GRM8: variants seen among roughly 807,000 people sequenced by gnomAD.
The protein encoded by GRM8 is glutamate metabotropic receptor 8.
In GRM8, 47 loss-of-function variants were observed where a neutral mutation model predicts 87.2. That is an observed-to-expected ratio of 0.54 (90% confidence interval 0.43 to 0.69). GRM8 has a LOEUF of 0.69. GRM8 is among the 30% of genes least tolerant of loss of function. GRM8 has a pLI of 0.00. For synonymous variants in GRM8, 396 were observed against 404.5 expected, an observed-to-expected ratio of 0.98 and a Z score of 0.25; for missense variants, 1,019 against 1,139.2, an observed-to-expected ratio of 0.89 and a Z score of 1.52.
At chr7:126,807,489 A>G (rs1394685762) in intron 6 of GRM8, among the ~76,000 whole-genome samples, 2 of 152,322 alleles carry the variant, frequency 1.3e-5, no homozygotes, top group East Asian at 3.9e-4. Flanking sequence ...TGACAAACTT[A>G]AAAATCAAGC....
In GRM8 at chr7:126,852,387, A is replaced by T. The variant is rs151205733; in HGVS notation, c.1156+50155T>A. ...TGGAGGAATGTATCATTACAAACAA[A>T]CAAACACAAAAATCGAAGACAGTAG... On this transcript the variant is annotated intron_variant, in intron 6 of 10. Coordinates refer to ENST00000339582, the MANE Select transcript of GRM8 (RefSeq NM_000845.3). 7.5e-3 allele frequency among the ~76,000 whole-genome samples: 1,141 copies of T among 152,312 alleles called. 18 individuals are homozygous for T. Among genetic ancestry groups the T allele is most frequent in the African/African-American group, 0.026 (1,061 of 41,568 alleles).
At chr7:126,964,424 C>A (rs1809633996) in intron 3 of GRM8, among the ~76,000 whole-genome samples, 1 of 152,124 alleles carries the variant, frequency 6.6e-6, no homozygotes, top group Non-Finnish European at 1.5e-5. Flanking sequence ...TAACAAAGGG[C>A]TAATATCCAG....
rs376254689 is a variant in GRM8, at chr7:127,242,772, C to G, written c.433G>C (p.Asp145His). 6.2e-7 allele frequency: 1 copy of G among 1,614,158 alleles called. No homozygotes were observed. The highest frequency in any genetic ancestry group is 8.5e-7 in the Non-Finnish European group (1 of 1,180,012). The change falls in exon 2 of 11, where the codon GAC becomes CAC. Residue 145 changes from aspartate to histidine, a missense_variant. Transcript: ENST00000339582. The part of the protein sequence containing the change: ...NGDPPIFTKP[D>H]KISGVIGAAA... The stretch of plus-strand genomic sequence containing the variant: ...GCACCTATGACGCCAGAAATCTTGT[C>G]GGGCTTGGTGAAAATGGGTGGATCT...
intron 6 of GRM8, among the ~76,000 whole-genome samples, chr7:126,789,992 G>A (rs1821099341): frequency 6.6e-6 from 1 of 151,602 alleles, no homozygotes; most frequent in South Asian, 2.1e-4. Flanking sequence ...TGGTCTCTAT[G>A]TGAGAACACA....
At chr7:127,023,979 T>C (rs953718151) in intron 3 of GRM8, among the ~76,000 whole-genome samples, 10 of 152,168 alleles carry the variant, frequency 6.6e-5, no homozygotes, top group East Asian at 1.9e-4. Context: ...TATCTCTGCA[T>C]GTAGGGAGGA....
chr7:126,631,111 A>G (rs779076561), intron 7 of GRM8, among the ~76,000 whole-genome samples: 2 of 152,222 alleles, frequency 1.3e-5, no homozygotes, highest in Non-Finnish European at 2.9e-5. Flanking sequence ...TGTAGATGAC[A>G]TGATCCTATA....
intron 8 of GRM8, among the ~76,000 whole-genome samples, chr7:126,583,987 T>G (rs1795859585): frequency 6.6e-6 from 1 of 152,102 alleles, no homozygotes. Flanking sequence ...TATGGCAAAC[T>G]CAATGTTGTC....
intron 3 of GRM8, among the ~76,000 whole-genome samples, chr7:126,947,601 T>C (rs928178108): frequency 4.6e-5 from 7 of 151,996 alleles, no homozygotes; most frequent in Non-Finnish European, 7.4e-5. Context: ...TATGTATATA[T>C]GAAGTAAAGA....
chr7:126,982,241 G>C (rs1811613870), intron 3 of GRM8, among the ~76,000 whole-genome samples: 1 of 152,202 alleles, frequency 6.6e-6, no homozygotes, highest in Admixed American at 6.5e-5. Context: ...CATGCTGGCA[G>C]CTGATTAGAT....
intron 3 of GRM8, among the ~76,000 whole-genome samples, chr7:126,923,561 C>A (rs1170219581): frequency 2.0e-5 from 3 of 152,152 alleles, no homozygotes; most frequent in South Asian, 2.1e-4. Context: ...AATTATTACC[C>A]AACTAATCCT....
chr7:126,796,854 T>C (rs762722773), intron 6 of GRM8, among the ~76,000 whole-genome samples: 21 of 152,076 alleles, frequency 1.4e-4, no homozygotes, highest in Non-Finnish European at 2.5e-4. Context: ...CTGGGGCTTG[T>C]CTCAATTCTA....
chr7:127,171,718 AC>A (rs1454925282), intron 2 of GRM8, among the ~76,000 whole-genome samples: 1 of 152,214 alleles, frequency 6.6e-6, no homozygotes, highest in East Asian at 1.9e-4. Context: ...TAAACTGGAA[AC>A]AAAAAATTTT....
At chr7:126,717,438 C>T (rs564432391) in intron 7 of GRM8, among the ~76,000 whole-genome samples, 1 of 152,228 alleles carries the variant, frequency 6.6e-6, no homozygotes, top group East Asian at 1.9e-4. Context: ...CCATCCTTCA[C>T]CCTCCTTCAC....
At chr7:127,003,073 C>A (rs1813888104) in intron 3 of GRM8, among the ~76,000 whole-genome samples, 1 of 151,644 alleles carries the variant, frequency 6.6e-6, no homozygotes, top group African/African-American at 2.4e-5. Context: ...GGACACTTAA[C>A]TTTTTAGTCC....
intron 6 of GRM8, among the ~76,000 whole-genome samples, chr7:126,771,132 T>C (rs1389888138): frequency 6.6e-6 from 1 of 152,112 alleles, no homozygotes; most frequent in Non-Finnish European, 1.5e-5. Flanking sequence ...TTACTAACCT[T>C]GAATAAATTG....
intron 2 of GRM8, among the ~76,000 whole-genome samples, chr7:127,110,752 G>C (rs936309053): frequency 2.6e-5 from 4 of 152,044 alleles, no homozygotes; most frequent in African/African-American, 9.7e-5. Context: ...TTCTCTTTGG[G>C]AGCTCCAGAA....
intron 9 of GRM8, among the ~76,000 whole-genome samples, chr7:126,525,920 A>C (rs144090706): frequency 6.6e-6 from 1 of 152,202 alleles, no homozygotes; most frequent in African/African-American, 2.4e-5. Context: ...TATTCAAATA[A>C]ATCTGTTTCG....
At chr7:126,940,786 T>G (rs1806838215) in intron 3 of GRM8, among the ~76,000 whole-genome samples, 1 of 152,174 alleles carries the variant, frequency 6.6e-6, no homozygotes, top group Non-Finnish European at 1.5e-5. Context: ...CTTCTCTTCC[T>G]TTGAGGATGC....
chr7:126,465,989 T>C lies in GRM8; in HGVS notation c.2431-19617A>G, dbSNP rs201697488. On this transcript the variant is annotated intron_variant, in intron 9 of 10. Transcript: ENST00000339582. ...ACCAGATTAGATAAATTCTCTTATATGCTTAGTTTGCTAATAATGCATTTT... is the reference window on the plus strand; with the variant it reads ...ACCAGATTAGATAAATTCTCTTATACGCTTAGTTTGCTAATAATGCATTTT... 4.3e-4 allele frequency among the ~76,000 whole-genome samples: 65 copies of C among 152,058 alleles called. No individual in the cohort carries two copies. The East Asian group carries it at 0.011, about 27-fold the overall frequency.
Sources: allele counts gnomAD v4.1 joint callset (sites outside exome capture counted in the v4.1 genomes callset), GRCh38; gene constraint gnomAD v4.1.1; transcripts MANE v1.5; gene names NCBI Gene and HGNC (gene_info 2026-07-23, HGNC 2026-07-21).